The following ATP2C2 variants were observed in gnomAD, a reference collection of about 807,000 sequenced individuals.
ATP2C2 encodes the protein calcium-transporting ATPase type 2C member 2.
Under a neutral mutation model 110.8 loss-of-function variants are expected in ATP2C2, and 171 were observed. The observed-to-expected ratio is 1.54, with a 90% CI of 1.36 to 1.75. ATP2C2 has a LOEUF of 1.75. Among genes scored for constraint, ATP2C2 ranks in the 40% most tolerant of loss-of-function variants. ATP2C2 has a pLI of 0.00. For missense variants in ATP2C2, 1,963 were observed against 1,235.0 expected (o/e 1.59, Z -8.84); for synonymous variants, 804 against 508.4 (o/e 1.58, Z -7.82).
chr16:84,435,852 G>C (rs1908692051), intron 11 of ATP2C2, among the ~76,000 whole-genome samples: 1 of 150,654 alleles, frequency 6.6e-6, no homozygotes, highest in Admixed American at 6.6e-5. Flanking sequence ...AAACAGGCAA[G>C]GCACAGAGGA....
chr16:84,453,113 G>A lies in ATP2C2; in HGVS notation c.1832-25G>A, dbSNP rs772839562. Reference sequence around the variant, plus strand: ...GGTGGGGACGCGGGCCTCAGAGCAGGCCCTCAGAACAGGTTCTTCTGAAGG... The same window carrying A: ...GGTGGGGACGCGGGCCTCAGAGCAGACCCTCAGAACAGGTTCTTCTGAAGG... On this transcript the variant is annotated intron_variant, in intron 18 of 26. Transcript: ENST00000262429. The A allele has an allele frequency of 9.5e-6, 15 of 1,585,034 alleles. No individual in the cohort carries two copies. The South Asian group carries it at 1.1e-4, about 12-fold the overall frequency.
At chr16:84,412,940 TA>T (rs34299175) in intron 6 of ATP2C2, among the ~76,000 whole-genome samples, 64,993 of 150,758 alleles carry the variant, frequency 0.43, 15,191 homozygotes, top group Non-Finnish European at 0.54. Context: ...TACTAAAAAT[TA>T]AAAAAAAATT....
At chr16:84,379,333 C>A (rs1297287185) in intron 1 of ATP2C2, among the ~76,000 whole-genome samples, 1 of 152,168 alleles carries the variant, frequency 6.6e-6, no homozygotes, top group Non-Finnish European at 1.5e-5. Flanking sequence ...CACAACCATG[C>A]TTGGCTAATT....
chr16:84,428,671 C>G (rs1283150431), intron 11 of ATP2C2, among the ~76,000 whole-genome samples: 4 of 152,058 alleles, frequency 2.6e-5, no homozygotes, highest in African/African-American at 4.8e-5. Flanking sequence ...CAGATAAATT[C>G]TAAGTCATAA....
intron 4 of ATP2C2, among the ~76,000 whole-genome samples, chr16:84,408,713 TTC>T (rs1359891588): frequency 6.6e-6 from 1 of 152,148 alleles, no homozygotes; most frequent in African/African-American, 2.4e-5. Flanking sequence ...ACACAGGTGC[TTC>T]TGGGTCTTTG....
chr16:84,370,211 C>T (rs1909871804), intron 1 of ATP2C2, among the ~76,000 whole-genome samples: 2 of 152,190 alleles, frequency 1.3e-5, no homozygotes, highest in Non-Finnish European at 2.9e-5. Context: ...ACTCGTCCCT[C>T]CAAAGCTTTG....
intron 1 of ATP2C2, among the ~76,000 whole-genome samples, chr16:84,374,686 G>A (rs1910152196): frequency 6.6e-6 from 1 of 152,004 alleles, no homozygotes; most frequent in Admixed American, 6.6e-5. Context: ...GGGTCCTTTG[G>A]TTTTCATTTG....
chr16:84,459,024 C>T (rs1420822606), intron 21 of ATP2C2, 96 bp from the exon 22 acceptor site: 4 of 1,333,372 alleles, frequency 3.0e-6, no homozygotes, highest in South Asian at 2.4e-5. Context: ...TAACATCAAT[C>T]TGGGCGAGTC....
At chr16:84,385,046 C>T (rs968488834) in intron 1 of ATP2C2, among the ~76,000 whole-genome samples, 3 of 152,080 alleles carry the variant, frequency 2.0e-5, no homozygotes, top group African/African-American at 4.8e-5. Context: ...GAGACTCTGT[C>T]TCAAAAAACA....
At chr16:84,399,546 G>A (rs1597761871) in intron 2 of ATP2C2, among the ~76,000 whole-genome samples, 2 of 152,200 alleles carry the variant, frequency 1.3e-5, no homozygotes, top group African/African-American at 4.8e-5. Flanking sequence ...TAAATTAGCT[G>A]TATTTAACGA....
At chr16:84,450,849 A>C (rs983636450) in intron 17 of ATP2C2, among the ~76,000 whole-genome samples, 1 of 151,982 alleles carries the variant, frequency 6.6e-6, no homozygotes, top group Non-Finnish European at 1.5e-5. Context: ...CGCCCCCAAG[A>C]CTGCTGGAGA....
At chr16:84,391,944 A>T (rs923190504) in intron 1 of ATP2C2, among the ~76,000 whole-genome samples, 129 of 150,268 alleles carry the variant, frequency 8.6e-4, no homozygotes, top group African/African-American at 2.8e-3. Context: ...AACTAGGATT[A>T]TATTACGACG....
chr16:84,379,948 G>C (rs529248481), intron 1 of ATP2C2, among the ~76,000 whole-genome samples: 1 of 152,320 alleles, frequency 6.6e-6, no homozygotes, highest in South Asian at 2.1e-4. Flanking sequence ...TTAAAGTCCA[G>C]TGCCATCTGG....
intron 1 of ATP2C2, among the ~76,000 whole-genome samples, chr16:84,386,336 A>G (rs1002470508): frequency 6.6e-6 from 1 of 152,182 alleles, no homozygotes; most frequent in African/African-American, 2.4e-5. Flanking sequence ...TTCCAGTCCA[A>G]TAAATACCAC....
chr16:84,381,176 G>A (rs1337516358), intron 1 of ATP2C2, among the ~76,000 whole-genome samples: 1 of 152,202 alleles, frequency 6.6e-6, no homozygotes, highest in Non-Finnish European at 1.5e-5. Flanking sequence ...CGTTTTGCGT[G>A]CAGGGGTGGA....
intron 17 of ATP2C2, 117 bp from the exon 18 acceptor site, chr16:84,451,804 C>G: frequency 9.1e-7 from 1 of 1,099,468 alleles, no homozygotes; most frequent in Non-Finnish European, 1.3e-6. Flanking sequence ...CACCACTGCA[C>G]TCCAACCTGG....
chr16:84,460,773 G>C lies in ATP2C2; in HGVS notation c.2453G>C (p.Ser818Thr), dbSNP rs1911239694. The C allele has an allele frequency of 3.7e-6, 6 of 1,613,908 alleles. No individual in the cohort carries two copies. The East Asian group carries it at 1.3e-4, about 36-fold the overall frequency. ...KILMSAAIII[S>T]GTLFIFWKEM... ...CTCATGTCCGCGGCCATCATCATCA[G>C]CGGGACCCTCTTTATCTTCTGGAAG... Residue 818 changes from serine to threonine, a missense_variant, in exon 24 of 27, where the codon AGC (serine) becomes ACC (threonine). Ser to Thr is a moderately conservative substitution (Grantham distance 58). Transcript: ENST00000262429.
At chr16:84,453,030 C>T (rs1299415496) in intron 18 of ATP2C2, 108 bp from the exon 19 acceptor site, 4 of 1,178,132 alleles carry the variant, frequency 3.4e-6, no homozygotes, top group Non-Finnish European at 4.8e-6. Context: ...AGTAAACCGT[C>T]TCCAGCATGG....
chr16:84,380,652 G>T (rs1317663494), intron 1 of ATP2C2, among the ~76,000 whole-genome samples: 1 of 152,146 alleles, frequency 6.6e-6, no homozygotes, highest in Non-Finnish European at 1.5e-5. Flanking sequence ...CTACAGCCCA[G>T]GCTGCCTGGA....
Sources: gnomAD v4.1 joint callset for allele counts (sites outside exome capture counted in the v4.1 genomes callset) on GRCh38, gnomAD v4.1.1 for gene constraint, MANE v1.5 for transcripts, NCBI Gene and HGNC (gene_info 2026-07-23, HGNC 2026-07-21) for gene names.